TMTC1: variants seen among roughly 807,000 people sequenced by gnomAD.
The protein encoded by TMTC1 is protein O-mannosyl-transferase TMTC1.
Under a neutral mutation model 104.8 loss-of-function variants are expected in TMTC1, and 73 were observed. The observed-to-expected ratio is 0.70, with a 90% CI of 0.58 to 0.85. The LOEUF (loss-of-function observed/expected upper bound fraction) is 0.85, where lower values mean the gene tolerates loss of function less well. Among genes scored for constraint, TMTC1 ranks in the 40% least tolerant of loss-of-function variants. TMTC1 has a pLI of 0.00. For missense variants in TMTC1, 1,035 were observed against 1,096.1 expected (o/e 0.94, Z 0.79); for synonymous variants, 434 against 428.7 (o/e 1.01, Z -0.15).
intron 6 of TMTC1, among the ~76,000 whole-genome samples, chr12:29,629,423 T>A (rs964445793): frequency 3.3e-5 from 5 of 152,160 alleles, no homozygotes; most frequent in Non-Finnish European, 7.3e-5. Flanking sequence ...CATGTATGAT[T>A]GATGTCTCAT....
intron 5 of TMTC1, among the ~76,000 whole-genome samples, chr12:29,669,352 T>C (rs1048973391): frequency 1.3e-5 from 2 of 152,184 alleles, no homozygotes; most frequent in African/African-American, 4.8e-5. Context: ...GTTTAGACTT[T>C]ATTCTGATGG....
At chr12:29,520,575 T>C (rs755160924) in intron 12 of TMTC1, 43 bp downstream of exon 12, 2 of 1,483,778 alleles carry the variant, frequency 1.3e-6, no homozygotes, top group Admixed American at 3.7e-5. Context: ...ATAAATTGTA[T>C]TAGCTAATCT....
In TMTC1 at chr12:29,662,953, T is replaced by C. The variant is rs570582889; in HGVS notation, c.939-29617A>G. 9.9e-4 allele frequency among the ~76,000 whole-genome samples: 151 copies of C among 152,282 alleles called. 1 individual carries two copies. The highest frequency in any genetic ancestry group is 3.5e-3 in the African/African-American group (145 of 41,568). On this transcript the variant is annotated intron_variant, in intron 5 of 17. Coordinates refer to ENST00000539277, the MANE Select transcript of TMTC1 (RefSeq NM_001193451.2). ...AAGCACTGCATTTAAATCCCTTTCATCTTCCTTAGCTGCCAACAGAGAGCT... is the reference window on the plus strand; with the variant it reads ...AAGCACTGCATTTAAATCCCTTTCACCTTCCTTAGCTGCCAACAGAGAGCT...
At chr12:29,583,319 C>T in intron 8 of TMTC1, 88 bp downstream of exon 8, 1 of 1,283,232 alleles carries the variant, frequency 7.8e-7, no homozygotes. Context: ...TAAATACTGC[C>T]AGGCCCATGT....
intron 3 of TMTC1, among the ~76,000 whole-genome samples, chr12:29,756,145 T>A (rs967921557): frequency 6.6e-6 from 1 of 152,176 alleles, no homozygotes; most frequent in African/African-American, 2.4e-5. Context: ...ACATACTTAG[T>A]CATATGAAAA....
At chr12:29,670,774 C>A in intron 5 of TMTC1, among the ~76,000 whole-genome samples, 1 of 150,684 alleles carries the variant, frequency 6.6e-6, no homozygotes. Context: ...ATTAAAAATA[C>A]AAAAAAATTA....
chr12:29,507,034 C>T (rs1479585311), intron 17 of TMTC1, 48 bp from the exon 18 acceptor site: 1 of 1,546,422 alleles, frequency 6.5e-7, no homozygotes, highest in Non-Finnish European at 8.9e-7. Flanking sequence ...CATCACAAAA[C>T]TCTCTCAGAG....
At chr12:29,752,358 A>T (rs2136974700) in intron 4 of TMTC1, among the ~76,000 whole-genome samples, 1 of 152,336 alleles carries the variant, frequency 6.6e-6, no homozygotes, top group South Asian at 2.1e-4. Context: ...CTAGATGGGC[A>T]AAAATTTAAA....
intron 5 of TMTC1, among the ~76,000 whole-genome samples, chr12:29,711,019 A>G (rs1394250859): frequency 1.3e-5 from 2 of 148,424 alleles, no homozygotes; most frequent in African/African-American, 2.5e-5. Flanking sequence ...GTCTCACTCT[A>G]TCACCCAGGC....
intron 5 of TMTC1, among the ~76,000 whole-genome samples, chr12:29,690,285 T>C (rs1258789981): frequency 6.6e-6 from 1 of 152,148 alleles, no homozygotes; most frequent in Non-Finnish European, 1.5e-5. Flanking sequence ...TTGCTTTCCT[T>C]ATGAGATGAG....
In TMTC1 at chr12:29,755,844, G is replaced by C. The variant is rs778313192; in HGVS notation, c.596C>G (p.Thr199Arg). 1.2e-6 allele frequency: 2 copies of C among 1,614,150 alleles called. No individual in the cohort carries two copies. Among genetic ancestry groups the C allele is most frequent in the Non-Finnish European group, 1.7e-6 (2 of 1,179,992 alleles). ...GAGCAGCAAGAAGAAGGGAGACACC[G>C]TGGAAGGGAAACTTCCCCCAACACA... ...QGCVGGSFPS[T>R]VSPFFLLLSL... The change falls in exon 4 of 18, where the codon ACG becomes AGG. Residue 199 changes from threonine to arginine, a missense_variant. Thr to Arg is a moderately conservative substitution (Grantham distance 71). Coordinates refer to ENST00000539277, the MANE Select transcript of TMTC1 (RefSeq NM_001193451.2).
intron 5 of TMTC1, among the ~76,000 whole-genome samples, chr12:29,750,455 C>T (rs1037019318): frequency 6.6e-6 from 1 of 152,198 alleles, no homozygotes; most frequent in African/African-American, 2.4e-5. Flanking sequence ...AGAGCAAGGA[C>T]CTTGTCTTTC....
chr12:29,712,327 C>T (rs1037234023), intron 5 of TMTC1, among the ~76,000 whole-genome samples: 1 of 152,174 alleles, frequency 6.6e-6, no homozygotes, highest in South Asian at 2.1e-4. Context: ...ACAACATGTG[C>T]TGTCTTAATA....
intron 2 of TMTC1, among the ~76,000 whole-genome samples, chr12:29,765,194 CTTA>C (rs1565822358): frequency 1.3e-5 from 2 of 152,048 alleles, no homozygotes. Flanking sequence ...AAGTATCTCT[CTTA>C]TTTTTTTCAA....
chr12:29,564,045 C>T (rs768858059), intron 9 of TMTC1, among the ~76,000 whole-genome samples: 1 of 151,998 alleles, frequency 6.6e-6, no homozygotes, highest in African/African-American at 2.4e-5. Context: ...GGGGTAAGAG[C>T]AGGAAGATGA....
chr12:29,511,148 C>CT (rs1212070120), intron 17 of TMTC1, among the ~76,000 whole-genome samples: 3 of 152,178 alleles, frequency 2.0e-5, no homozygotes, highest in African/African-American at 7.2e-5. Context: ...TCTTCTTTCT[C>CT]TTTTTTCTCC....
intron 5 of TMTC1, among the ~76,000 whole-genome samples, chr12:29,688,063 G>A (rs1046612115): frequency 1.3e-5 from 2 of 152,102 alleles, no homozygotes; most frequent in African/African-American, 2.4e-5. Context: ...AGGAGGAAAG[G>A]GGTATAATGT....
intron 6 of TMTC1, among the ~76,000 whole-genome samples, chr12:29,605,147 A>G (rs886701012): frequency 1.2e-4 from 18 of 152,128 alleles, no homozygotes; most frequent in Non-Finnish European, 2.5e-4. Flanking sequence ...GTATTTTTTA[A>G]GTTTAAGAAA....
intron 5 of TMTC1, among the ~76,000 whole-genome samples, chr12:29,668,663 G>T (rs1344153577): frequency 6.6e-6 from 1 of 152,034 alleles, no homozygotes; most frequent in East Asian, 1.9e-4. Flanking sequence ...GTTTTGCCAT[G>T]TTGGCCAGGC....
Sources: gnomAD v4.1 joint callset for allele counts (sites outside exome capture counted in the v4.1 genomes callset) on GRCh38, gnomAD v4.1.1 for gene constraint, MANE v1.5 for transcripts, NCBI Gene and HGNC (gene_info 2026-07-23, HGNC 2026-07-21) for gene names.